The following ST6GALNAC3 variants were observed in gnomAD, a reference collection of about 807,000 sequenced individuals.
ST6GALNAC3 encodes the protein alpha-N-acetylgalactosaminide alpha-2,6-sialyltransferase 3.
ST6GALNAC3 carries 25 observed loss-of-function variants against 32.7 expected under a neutral mutation model. That is an observed-to-expected ratio of 0.76 (90% CI 0.56 to 1.07). ST6GALNAC3 has a LOEUF of 1.07. ST6GALNAC3 is among the 50% of genes least tolerant of loss of function. The pLI is 0.00. For missense variants in ST6GALNAC3, 355 were observed against 382.4 expected (o/e 0.93, Z 0.60); for synonymous variants, 129 against 133.1 (o/e 0.97, Z 0.21).
intron 1 of ST6GALNAC3, among the ~76,000 whole-genome samples, chr1:76,268,165 C>T (rs556280190): frequency 3.5e-4 from 53 of 152,272 alleles, no homozygotes; most frequent in Middle Eastern, 3.4e-3. Context: ...AGAAAATGCA[C>T]AAAATATATC....
chr1:76,622,473 C>G (rs1648711593), intron 3 of ST6GALNAC3, among the ~76,000 whole-genome samples: 1 of 151,880 alleles, frequency 6.6e-6, no homozygotes, highest in Admixed American at 6.6e-5. Flanking sequence ...AGGAATCTGG[C>G]TGTTTAGGGT....
chr1:76,165,192 C>T (rs1335965957), intron 1 of ST6GALNAC3, among the ~76,000 whole-genome samples: 1 of 152,080 alleles, frequency 6.6e-6, no homozygotes, highest in Admixed American at 6.6e-5. Context: ...CTGATAGGCC[C>T]CAGTGTATGT....
chr1:76,594,196 A>T (rs981651700), intron 3 of ST6GALNAC3, among the ~76,000 whole-genome samples: 1 of 152,184 alleles, frequency 6.6e-6, no homozygotes, highest in African/African-American at 2.4e-5. Context: ...AACGTAAAAA[A>T]TACTAACAAA....
chr1:76,301,840 T>G (rs544407333), intron 1 of ST6GALNAC3, among the ~76,000 whole-genome samples: 8 of 151,932 alleles, frequency 5.3e-5, no homozygotes, highest in Non-Finnish European at 8.8e-5. Flanking sequence ...AAAAGAAGTT[T>G]TTTTTTTTTC....
chr1:76,262,971 G>A (rs900797392), intron 1 of ST6GALNAC3, among the ~76,000 whole-genome samples: 5 of 152,096 alleles, frequency 3.3e-5, no homozygotes, highest in East Asian at 1.9e-4. Flanking sequence ...CCTAAAGGCC[G>A]TATCTATGAG....
chr1:76,180,266 C>T (rs1490650917), intron 1 of ST6GALNAC3, among the ~76,000 whole-genome samples: 2 of 152,172 alleles, frequency 1.3e-5, no homozygotes, highest in African/African-American at 4.8e-5. Context: ...AGTTACTTCT[C>T]AGATTCAAGT....
chr1:76,365,148 C>CA (rs1265152288), intron 2 of ST6GALNAC3, among the ~76,000 whole-genome samples: 1 of 152,112 alleles, frequency 6.6e-6, no homozygotes, highest in Non-Finnish European at 1.5e-5. Flanking sequence ...CAGCCATAGA[C>CA]AAAAAATGAA....
At chr1:76,433,859 A>C (rs1233173823) in intron 3 of ST6GALNAC3, among the ~76,000 whole-genome samples, 4 of 152,246 alleles carry the variant, frequency 2.6e-5, no homozygotes, top group Non-Finnish European at 4.4e-5. Flanking sequence ...TAGTTTTGAA[A>C]GCTGCTGATG....
At chr1:76,375,289 T>G (rs941045013) in intron 2 of ST6GALNAC3, among the ~76,000 whole-genome samples, 1 of 152,126 alleles carries the variant, frequency 6.6e-6, no homozygotes, top group Non-Finnish European at 1.5e-5. Context: ...AAAAATTATT[T>G]CCTCATTCAA....
intron 3 of ST6GALNAC3, among the ~76,000 whole-genome samples, chr1:76,555,408 C>A (rs139619238): frequency 6.6e-6 from 1 of 152,172 alleles, no homozygotes; most frequent in Admixed American, 6.5e-5. Context: ...GTGGGTGACT[C>A]CTTCTCTTAA....
At chr1:76,363,369 C>A (rs1246901678) in intron 2 of ST6GALNAC3, among the ~76,000 whole-genome samples, 1 of 152,184 alleles carries the variant, frequency 6.6e-6, no homozygotes, top group African/African-American at 2.4e-5. Context: ...TACTCCAGTT[C>A]CCAATAAGTT....
intron 3 of ST6GALNAC3, among the ~76,000 whole-genome samples, chr1:76,566,336 C>A (rs1474441071): frequency 6.6e-6 from 1 of 152,106 alleles, no homozygotes; most frequent in Non-Finnish European, 1.5e-5. Context: ...TTCTTCTCTA[C>A]CTCTTTACAG....
chr1:76,424,692 T>C (rs1414660423), intron 3 of ST6GALNAC3, among the ~76,000 whole-genome samples: 1 of 152,004 alleles, frequency 6.6e-6, no homozygotes, highest in Non-Finnish European at 1.5e-5. Flanking sequence ...TTAAAACTGT[T>C]ACTAAAGATG....
intron 3 of ST6GALNAC3, among the ~76,000 whole-genome samples, chr1:76,483,354 G>A (rs1199606470): frequency 6.6e-6 from 1 of 152,144 alleles, no homozygotes. Context: ...GTGTAAAAGT[G>A]TTCCTATTTC....
chr1:76,583,415 G>C (rs1258967163), intron 3 of ST6GALNAC3, among the ~76,000 whole-genome samples: 1 of 152,166 alleles, frequency 6.6e-6, no homozygotes, highest in Non-Finnish European at 1.5e-5. Context: ...TGATGAAAAG[G>C]TCAAAGTAAC....
intron 1 of ST6GALNAC3, among the ~76,000 whole-genome samples, chr1:76,110,334 G>T (rs1302053312): frequency 1.3e-5 from 2 of 152,238 alleles, no homozygotes; most frequent in Non-Finnish European, 2.9e-5. Flanking sequence ...TTTACTGTGA[G>T]TTAGAAGACT....
intron 1 of ST6GALNAC3, among the ~76,000 whole-genome samples, chr1:76,278,246 AG>A: frequency 1.1e-5 from 1 of 94,516 alleles, no homozygotes; most frequent in South Asian, 2.9e-4. Context: ...TTTGAGATGG[AG>A]TCTCGCTCTG....
At chr1:76,168,364 G>T (rs1652262302) in intron 1 of ST6GALNAC3, among the ~76,000 whole-genome samples, 1 of 152,126 alleles carries the variant, frequency 6.6e-6, no homozygotes, top group Admixed American at 6.6e-5. Context: ...TATGATTTCA[G>T]TTCTTTTGCA....
chr1:76,196,941 C>T (rs1394595646), intron 1 of ST6GALNAC3, among the ~76,000 whole-genome samples: 4 of 152,114 alleles, frequency 2.6e-5, no homozygotes, highest in African/African-American at 7.2e-5. Flanking sequence ...AAGTTTACCC[C>T]GTGTTTTTAT....
Sources: allele counts gnomAD v4.1 joint callset (sites outside exome capture counted in the v4.1 genomes callset), GRCh38; gene constraint gnomAD v4.1.1; transcripts MANE v1.5; gene names NCBI Gene and HGNC (gene_info 2026-07-23, HGNC 2026-07-21).